The following YAP1 variants were observed in gnomAD, a reference collection of about 807,000 sequenced individuals.
The protein encoded by YAP1 is Yes1 associated transcriptional regulator.
A neutral mutation model predicts 56.9 loss-of-function variants in YAP1; 5 were observed. The observed-to-expected ratio is 0.09, with a 90% confidence interval of 0.05 to 0.18. YAP1 has a LOEUF of 0.18. Ranked by LOEUF, YAP1 falls within the 10% of genes least tolerant of loss-of-function variation. YAP1 has a pLI of 1.00. For missense variants in YAP1, 539 were observed against 651.8 expected (o/e 0.83, Z 1.88); for synonymous variants, 265 against 248.1 (o/e 1.07, Z -0.64).
At chr11:102,117,019 A>G (rs544694425) in intron 2 of YAP1, among the ~76,000 whole-genome samples, 1 of 152,326 alleles carries the variant, frequency 6.6e-6, no homozygotes, top group African/African-American at 2.4e-5. Context: ...GTTATGAAAT[A>G]AGATTATTTC....
intron 6 of YAP1, among the ~76,000 whole-genome samples, chr11:102,217,069 G>T (rs915347752): frequency 2.6e-5 from 4 of 152,136 alleles, no homozygotes; most frequent in African/African-American, 9.7e-5. Context: ...TTGCAGGGTG[G>T]TTCATAAAAG....
intron 4 of YAP1, among the ~76,000 whole-genome samples, chr11:102,189,019 A>G (rs1341616150): frequency 6.6e-6 from 1 of 152,174 alleles, no homozygotes; most frequent in Admixed American, 6.6e-5. Flanking sequence ...TCAGATGGCA[A>G]TAAGGATGCC....
At chr11:102,223,028 G>A (rs563204830) in intron 6 of YAP1, among the ~76,000 whole-genome samples, 42 of 151,908 alleles carry the variant, frequency 2.8e-4, no homozygotes, top group African/African-American at 4.6e-4. Flanking sequence ...GGTGGATCAC[G>A]AGGTCAAGAG....
intron 7 of YAP1, among the ~76,000 whole-genome samples, chr11:102,225,410 G>C (rs558846591): frequency 3.3e-5 from 5 of 152,178 alleles, no homozygotes; most frequent in South Asian, 4.2e-4. Context: ...GCTTGAACCC[G>C]GGAGGCAGAG....
intron 2 of YAP1, among the ~76,000 whole-genome samples, chr11:102,131,144 C>T (rs913457247): frequency 5.9e-5 from 9 of 152,156 alleles, no homozygotes; most frequent in Non-Finnish European, 1.0e-4. Context: ...CCACATGGTT[C>T]GGGATAAAGT....
rs57082707 is a variant in YAP1, at chr11:102,176,745, C to CAAAAAAAAAAAAAAAAAAAA, written c.689-9261_689-9242dup. 6.8e-4 allele frequency among the ~76,000 whole-genome samples: 31 copies of CAAAAAAAAAAAAAAAAAAAA among 45,506 alleles called. 2 individuals are homozygous for CAAAAAAAAAAAAAAAAAAAA. The highest frequency in any genetic ancestry group is 1.3e-3 in the African/African-American group (15 of 11,254). The allele number at this position is 45,506 out of a possible 152,430, so 29.9% of individuals were successfully genotyped here. On this transcript the variant is annotated intron_variant, in intron 3 of 8. Coordinates refer to ENST00000282441, the MANE Select transcript of YAP1 (RefSeq NM_001130145.3). The stretch of plus-strand genomic sequence containing the variant: ...TGGGCAACAGAGTAAGACTCCGTCT[C>CAAAAAAAAAAAAAAAAAAAA]AAAAAAAAAAAAAAAAAAAAAAAAA...
chr11:102,112,766 C>T, intron 1 of YAP1: 2 of 985,262 alleles, frequency 2.0e-6, no homozygotes, highest in Non-Finnish European at 1.2e-6. Flanking sequence ...TTCTCTTACC[C>T]CTCGAAGTGG....
chr11:102,223,253 C>G (rs1043580567), intron 6 of YAP1, among the ~76,000 whole-genome samples: 1 of 52,420 alleles, frequency 1.9e-5, no homozygotes, highest in Admixed American at 2.0e-4. Flanking sequence ...TCTTGAAGAA[C>G]AAAAAAAAAA....
chr11:102,213,418 AG>A (rs1949508172), intron 6 of YAP1, among the ~76,000 whole-genome samples: 1 of 152,192 alleles, frequency 6.6e-6, no homozygotes, highest in Non-Finnish European at 1.5e-5. Flanking sequence ...CCTGGGAGGC[AG>A]AGGTTGCAGT....
rs377505521 is a variant in YAP1 at position 102,142,104 on chromosome 11, AT to A, written c.573-20349del. Among the ~76,000 whole-genome samples the A allele has an allele frequency of 3.3e-5, 5 of 152,314 alleles. No homozygotes were observed. The East Asian group carries it at 7.7e-4, about 23-fold the overall frequency. ...ATAAATGTTATCATTAATCCAGAAG[AT>A]TTAGTAATGTTGGCAATAGGAGGAG... is the stretch of plus-strand genomic sequence containing the variant. On this transcript the variant is annotated intron_variant, in intron 2 of 8. Transcript: ENST00000282441.
chr11:102,142,291 C>T (rs777711056), intron 2 of YAP1, among the ~76,000 whole-genome samples: 4 of 151,996 alleles, frequency 2.6e-5, no homozygotes, highest in Non-Finnish European at 4.4e-5. Flanking sequence ...AGAGAAAGAT[C>T]GATGATTAGT....
intron 8 of YAP1, among the ~76,000 whole-genome samples, 171 bp downstream of exon 8, chr11:102,227,752 C>A (rs898346169): frequency 2.0e-5 from 3 of 151,330 alleles, no homozygotes; most frequent in African/African-American, 7.2e-5. Flanking sequence ...TGTAACTTGT[C>A]TTTTCCTAGT....
intron 2 of YAP1, among the ~76,000 whole-genome samples, chr11:102,157,495 A>G (rs1163709612): frequency 6.6e-6 from 1 of 152,222 alleles, no homozygotes; most frequent in Non-Finnish European, 1.5e-5. Context: ...TACTGCCATC[A>G]TAGTATTTTG....
chr11:102,186,163 C>A (rs1453824099), intron 4 of YAP1, 32 bp downstream of exon 4: 1 of 1,600,670 alleles, frequency 6.2e-7, no homozygotes, highest in South Asian at 1.1e-5. Flanking sequence ...TTTTTAGATG[C>A]TTTTGGTTGC....
intron 2 of YAP1, among the ~76,000 whole-genome samples, chr11:102,116,173 A>G (rs1943274130): frequency 6.6e-6 from 1 of 152,164 alleles, no homozygotes; most frequent in Admixed American, 6.5e-5. Context: ...AAATATTTGG[A>G]AACAAATTAC....
chr11:102,153,569 G>C (rs896249237), intron 2 of YAP1, among the ~76,000 whole-genome samples: 7 of 152,178 alleles, frequency 4.6e-5, no homozygotes, highest in African/African-American at 1.7e-4. Context: ...GAAATTCAAT[G>C]AAGTGAGTTC....
chr11:102,111,806 C>G (rs777071563), intron 1 of YAP1, among the ~76,000 whole-genome samples: 40 of 152,074 alleles, frequency 2.6e-4, no homozygotes, highest in Non-Finnish European at 4.3e-4. Flanking sequence ...GTTTTTTGCT[C>G]TTTCTTTCCT....
chr11:102,177,442 GA>G (rs1159753223), intron 3 of YAP1, among the ~76,000 whole-genome samples: 2 of 152,058 alleles, frequency 1.3e-5, no homozygotes, highest in Non-Finnish European at 2.9e-5. Flanking sequence ...ATGGAAATGT[GA>G]AAGTTTATGT....
In YAP1 at chr11:102,218,750, G is replaced by A. The variant is rs575472620; in HGVS notation, c.1033-4872G>A. 2.0e-5 allele frequency among the ~76,000 whole-genome samples: 3 copies of A among 152,272 alleles called. No homozygotes were observed. In the East Asian group the frequency reaches 5.8e-4, roughly 29 times the overall value. On this transcript the variant is annotated intron_variant, in intron 6 of 8. Coordinates refer to ENST00000282441, the MANE Select transcript of YAP1 (RefSeq NM_001130145.3). The stretch of plus-strand genomic sequence containing the variant: ...GTCGGATATCTCCTTAGGTAACTTG[G>A]AATGATTTCCCTGCTTACTGACATC...
Sources: gnomAD v4.1 joint callset for allele counts (sites outside exome capture counted in the v4.1 genomes callset) on GRCh38, gnomAD v4.1.1 for gene constraint, MANE v1.5 for transcripts, NCBI Gene and HGNC (gene_info 2026-07-23, HGNC 2026-07-21) for gene names.